ADAMTS19: variants seen among roughly 807,000 people sequenced by gnomAD.
The protein encoded by ADAMTS19 is A disintegrin and metalloproteinase with thrombospondin motifs 19.
Under a neutral mutation model 153.3 loss-of-function variants are expected in ADAMTS19, and 93 were observed. That is an observed-to-expected ratio of 0.61 (90% CI 0.51 to 0.72). ADAMTS19 has a LOEUF of 0.72. Among genes scored for constraint, ADAMTS19 ranks in the 30% least tolerant of loss-of-function variants. The pLI is 0.00. For synonymous variants in ADAMTS19, 600 were observed against 556.6 expected (o/e 1.08, Z -1.10); for missense variants, 1,482 against 1,552.1 (o/e 0.95, Z 0.76).
intron 13 of ADAMTS19, among the ~76,000 whole-genome samples, chr5:129,651,952 G>A (rs1177257574): frequency 6.8e-6 from 1 of 148,118 alleles, no homozygotes; most frequent in African/African-American, 2.4e-5. Context: ...GGCTGTGACA[G>A]TTAATAATGT....
At chr5:129,520,788 T>C (rs55906620) in intron 3 of ADAMTS19, among the ~76,000 whole-genome samples, 7,610 of 152,222 alleles carry the variant, frequency 0.05, 251 homozygotes, top group African/African-American at 0.092. Context: ...TATTTTATTA[T>C]CTCATTTTCT....
chr5:129,640,187 A>G (rs947910405), intron 10 of ADAMTS19, among the ~76,000 whole-genome samples: 6 of 152,166 alleles, frequency 3.9e-5, no homozygotes, highest in Non-Finnish European at 8.8e-5. Flanking sequence ...CACTCTCTCC[A>G]TAGACTTGAA....
At position 129,530,417 on chromosome 5, in the gene ADAMTS19, G is replaced by T. The variant is rs183505706; in HGVS notation, c.1328+1740G>T. Among the ~76,000 whole-genome samples, 110 of 152,260 alleles carry T rather than the reference G, an allele frequency of 7.2e-4. 1 individual carries two copies. The Middle Eastern group carries it at 0.014, about 19-fold the overall frequency. On this transcript the variant is annotated intron_variant, in intron 6 of 22. Coordinates refer to ENST00000274487, the MANE Select transcript of ADAMTS19 (RefSeq NM_133638.6). ...GACCTAGGCACATCATAGGAAAATT[G>T]CTGAAAACCAAAGAAAAACATAAAA... is the stretch of plus-strand genomic sequence containing the variant.
At chr5:129,701,259 C>G in intron 19 of ADAMTS19, 129 bp from the exon 20 acceptor site, 1 of 1,005,196 alleles carries the variant, frequency 9.9e-7, no homozygotes, top group Non-Finnish European at 1.5e-6. Context: ...GGAACTGTGT[C>G]AATTGGACCT....
At chr5:129,733,104 A>G (rs1001901268) in intron 21 of ADAMTS19, among the ~76,000 whole-genome samples, 29 of 152,130 alleles carry the variant, frequency 1.9e-4, no homozygotes, top group African/African-American at 6.0e-4. Context: ...TTGGATAGCC[A>G]TATGCAGAAC....
At chr5:129,527,019 T>C (rs1752036678) in intron 4 of ADAMTS19, among the ~76,000 whole-genome samples, 1 of 151,942 alleles carries the variant, frequency 6.6e-6, no homozygotes, top group African/African-American at 2.4e-5. Flanking sequence ...TAAAATTTGA[T>C]GTCAGATATG....
intron 16 of ADAMTS19, among the ~76,000 whole-genome samples, chr5:129,672,166 G>A (rs1194221961): frequency 1.3e-5 from 2 of 152,024 alleles, no homozygotes; most frequent in African/African-American, 4.8e-5. Context: ...AGAGAGAGAG[G>A]AAACAAGCTC....
Position 129,665,899 on chromosome 5 carries a change from TA to T in ADAMTS19, c.2506+321del, listed in dbSNP as rs1754032327. Among the ~76,000 whole-genome samples the T allele has an allele frequency of 6.1e-5, 9 of 147,918 alleles. No individual in the cohort carries two copies. The East Asian group carries it at 1.4e-3, about 23-fold the overall frequency. Reference sequence around the variant, plus strand: ...TTATATTCATATATATATATATATATATATTTCATAAATATATTTATTTCAC... The same window carrying T: ...TTATATTCATATATATATATATATATTATTTCATAAATATATTTATTTCAC... On this transcript the variant is annotated intron_variant, in intron 16 of 22. Transcript: ENST00000274487.
chr5:129,469,213 A>G (rs947438804), intron 2 of ADAMTS19, among the ~76,000 whole-genome samples: 1 of 152,170 alleles, frequency 6.6e-6, no homozygotes, highest in African/African-American at 2.4e-5. Flanking sequence ...TATATAAAAT[A>G]AATAATCTGT....
At chr5:129,688,040 A>C (rs1184128559) in intron 18 of ADAMTS19, 1 of 152,164 alleles carries the variant, frequency 6.6e-6, no homozygotes, top group Admixed American at 6.5e-5. Context: ...TGGGGTGCAT[A>C]TTCATTTCAA....
intron 19 of ADAMTS19, 56 bp from the exon 20 acceptor site, chr5:129,701,332 T>C: frequency 6.3e-7 from 1 of 1,580,092 alleles, no homozygotes; most frequent in Non-Finnish European, 8.7e-7. Context: ...AACAGACTAA[T>C]ACAAGTAGAT....
intron 14 of ADAMTS19, among the ~76,000 whole-genome samples, chr5:129,658,327 AAGAAAG>A (rs1322116422): frequency 0.013 from 1,472 of 117,006 alleles, 29 homozygotes; most frequent in Non-Finnish European, 0.014. Flanking sequence ...GAAAGAAAGA[AAGAAAG>A]AAAGAAAGAA....
chr5:129,694,735 C>A lies in ADAMTS19; in HGVS notation c.2834C>A (p.Thr945Lys), dbSNP rs1374129723. 6.3e-7 allele frequency: 1 copy of A among 1,597,374 alleles called. No individual in the cohort carries two copies. Among genetic ancestry groups the A allele is most frequent in the Admixed American group, 1.7e-5 (1 of 57,926 alleles). Residue 945 changes from threonine (T) to lysine (K), a missense_variant, in exon 19 of 23, where the codon ACA (threonine) becomes AAA (lysine). Transcript: ENST00000274487. ...TTCTTTTCAGGAGAAAGGAAGACAA[C>A]AGTGTCCTGCACAAAAATCATGAGC... ...ATCGGGERKT[T>K]VSCTKIMSKN...
intron 21 of ADAMTS19, among the ~76,000 whole-genome samples, chr5:129,727,775 TA>T (rs1757267990): frequency 6.6e-6 from 1 of 152,118 alleles, no homozygotes; most frequent in Admixed American, 6.6e-5. Context: ...TAATAAACAC[TA>T]AATAAGTACT....
At chr5:129,510,902 A>C (rs1464229769) in intron 3 of ADAMTS19, among the ~76,000 whole-genome samples, 2 of 149,824 alleles carry the variant, frequency 1.3e-5, no homozygotes, top group Non-Finnish European at 3.0e-5. Flanking sequence ...GTTACATGTA[A>C]ATGTTGACCT....
chr5:129,564,022 C>A (rs1002580967), intron 7 of ADAMTS19, among the ~76,000 whole-genome samples: 5 of 151,964 alleles, frequency 3.3e-5, no homozygotes, highest in African/African-American at 1.2e-4. Flanking sequence ...TGGGTTCAAG[C>A]GATTCGCCTG....
At chr5:129,494,324 G>A (rs1347199690) in intron 2 of ADAMTS19, among the ~76,000 whole-genome samples, 1 of 152,078 alleles carries the variant, frequency 6.6e-6, no homozygotes, top group Non-Finnish European at 1.5e-5. Flanking sequence ...AGCTGATCAT[G>A]CCTTGGTTCT....
intron 6 of ADAMTS19, among the ~76,000 whole-genome samples, chr5:129,547,450 C>T (rs534120172): frequency 1.3e-5 from 2 of 150,320 alleles, no homozygotes; most frequent in African/African-American, 2.5e-5. Context: ...TTTACAGCAG[C>T]AATAGAGAAC....
intron 10 of ADAMTS19, among the ~76,000 whole-genome samples, chr5:129,627,172 G>A (rs1752087647): frequency 6.6e-6 from 1 of 152,024 alleles, no homozygotes; most frequent in South Asian, 2.1e-4. Flanking sequence ...AATAACAATT[G>A]CAAGTGAGTT....
Sources: gnomAD v4.1 joint callset for allele counts (sites outside exome capture counted in the v4.1 genomes callset) on GRCh38, gnomAD v4.1.1 for gene constraint, MANE v1.5 for transcripts, NCBI Gene and HGNC (gene_info 2026-07-23, HGNC 2026-07-21) for gene names.